PLA2G4A: variants seen among roughly 807,000 people sequenced by gnomAD.
PLA2G4A encodes cytosolic phospholipase A2.
Under a neutral mutation model 81.9 loss-of-function variants are expected in PLA2G4A, and 40 were observed. That is an observed-to-expected ratio of 0.49 (90% CI 0.38 to 0.64). The LOEUF (loss-of-function observed/expected upper bound fraction) is 0.64, where lower values mean the gene tolerates loss of function less well. Ranked by LOEUF, PLA2G4A falls within the 30% of genes least tolerant of loss-of-function variation. The pLI, the probability that PLA2G4A is intolerant of heterozygous loss-of-function variation, is 0.00. For missense variants in PLA2G4A, 715 were observed against 905.1 expected (o/e 0.79, Z 2.69); for synonymous variants, 302 against 296.9 (o/e 1.02, Z -0.18).
chr1:186,849,132 G>A (rs1571331419), intron 1 of PLA2G4A, among the ~76,000 whole-genome samples: 1 of 151,912 alleles, frequency 6.6e-6, no homozygotes, highest in African/African-American at 2.4e-5. Context: ...ATCAAAAGAG[G>A]GTGTGGCACT....
rs112502497 is a variant in PLA2G4A at position 186,967,671 on chromosome 1, A to G, written c.1764+2078A>G. Among the ~76,000 whole-genome samples the G allele has an allele frequency of 2.7e-3, 411 of 152,274 alleles. 3 individuals carry two copies. The highest frequency in any genetic ancestry group is 8.9e-3 in the African/African-American group (370 of 41,568). ...GATAAATATAAGAATAGATTGGTGC[A>G]TACTGGAGTTAATGAACAGGGTAAT... On this transcript the variant is annotated intron_variant, in intron 15 of 17. Coordinates refer to ENST00000367466, the MANE Select transcript of PLA2G4A (RefSeq NM_024420.3).
At chr1:186,965,369 A>G (rs762509373) in intron 14 of PLA2G4A, 40 bp from the exon 15 acceptor site, 4 of 1,377,264 alleles carry the variant, frequency 2.9e-6, no homozygotes, top group Middle Eastern at 1.9e-4. Context: ...CTGATGAATG[A>G]TCATTTAATT....
In PLA2G4A at chr1:186,939,996, T is replaced by G. The variant is rs1170622078; in HGVS notation, c.935T>G (p.Leu312Arg). 1 of 1,546,490 alleles carries G rather than the reference T, an allele frequency of 6.5e-7. No individual in the cohort carries two copies. Among genetic ancestry groups the G allele is most frequent in the South Asian group, 1.1e-5 (1 of 89,752 alleles). Residue 312 changes from leucine to arginine, a missense_variant, in exon 10 of 18, where the codon CTG (leucine) becomes CGG (arginine). Physicochemically the swap from Leu to Arg is moderately radical, Grantham distance 102. Coordinates refer to ENST00000367466, the MANE Select transcript of PLA2G4A (RefSeq NM_024420.3). ...TGTGGACAGAGAATGAATACTACTC[T>G]GAGCAGTTTGAAGGAAAAAGTTAAT... ...TLIHNRMNTTLSSLKEKVNTA... is the reference protein window; with the variant it reads ...TLIHNRMNTTRSSLKEKVNTA...
chr1:186,957,378 C>G (rs1479375947), intron 14 of PLA2G4A, among the ~76,000 whole-genome samples: 1 of 152,202 alleles, frequency 6.6e-6, no homozygotes, highest in Non-Finnish European at 1.5e-5. Flanking sequence ...TTAGGCTGAG[C>G]TTTCAGGAAT....
intron 8 of PLA2G4A, among the ~76,000 whole-genome samples, chr1:186,936,947 G>A (rs1365160084): frequency 1.3e-5 from 2 of 151,688 alleles, no homozygotes; most frequent in African/African-American, 4.8e-5. Context: ...AAACTTGATG[G>A]TATAATTGGG....
intron 3 of PLA2G4A, among the ~76,000 whole-genome samples, chr1:186,891,495 C>T (rs1314369599): frequency 6.6e-6 from 1 of 152,058 alleles, no homozygotes; most frequent in Non-Finnish European, 1.5e-5. Flanking sequence ...ATCCTTCTGC[C>T]CCCTCCATGG....
At chr1:186,932,675 G>C in intron 7 of PLA2G4A, 88 bp from the exon 8 acceptor site, 1 of 1,262,520 alleles carries the variant, frequency 7.9e-7, no homozygotes, top group East Asian at 2.3e-5. Context: ...ACAAAATATG[G>C]GATGTATAAC....
At chr1:186,864,632 G>A (rs533613213) in intron 2 of PLA2G4A, among the ~76,000 whole-genome samples, 8 of 144,694 alleles carry the variant, frequency 5.5e-5, no homozygotes, top group Non-Finnish European at 7.6e-5. Flanking sequence ...TCTTTTACTT[G>A]TTTTAAAAAT....
At chr1:186,977,510 T>C in intron 15 of PLA2G4A, 83 bp from the exon 16 acceptor site, 1 of 856,396 alleles carries the variant, frequency 1.2e-6, no homozygotes. Context: ...AGTAGACACC[T>C]AGTGAACACT....
At chr1:186,939,549 A>C (rs912984103) in intron 9 of PLA2G4A, among the ~76,000 whole-genome samples, 1 of 152,042 alleles carries the variant, frequency 6.6e-6, no homozygotes, top group African/African-American at 2.4e-5. Flanking sequence ...ATTCCCTCCA[A>C]GAATGGTAAC....
intron 1 of PLA2G4A, among the ~76,000 whole-genome samples, chr1:186,843,145 G>GT (rs546241831): frequency 6.6e-5 from 10 of 151,668 alleles, no homozygotes; most frequent in South Asian, 6.3e-4. Flanking sequence ...TTCCAAATCT[G>GT]TTTTTTTTAA....
chr1:186,868,729 G>T (rs1019176364), intron 2 of PLA2G4A, among the ~76,000 whole-genome samples: 4 of 152,052 alleles, frequency 2.6e-5, no homozygotes, highest in Admixed American at 2.6e-4. Flanking sequence ...TATTTAGATT[G>T]TCTATTTCTT....
At chr1:186,872,691 T>A (rs1653325596) in intron 3 of PLA2G4A, among the ~76,000 whole-genome samples, 2 of 152,076 alleles carry the variant, frequency 1.3e-5, no homozygotes, top group South Asian at 4.1e-4. Context: ...CAATGGTTAT[T>A]TATTATAATT....
intron 2 of PLA2G4A, among the ~76,000 whole-genome samples, chr1:186,870,053 GCAA>G (rs1232338225): frequency 6.6e-6 from 1 of 152,158 alleles, no homozygotes; most frequent in African/African-American, 2.4e-5. Context: ...TCAGTGAACA[GCAA>G]CAACAACAAA....
At chr1:186,963,791 TTAA>T in intron 14 of PLA2G4A, among the ~76,000 whole-genome samples, 1 of 152,352 alleles carries the variant, frequency 6.6e-6, no homozygotes, top group East Asian at 1.9e-4. Context: ...ACGTTGGATA[TTAA>T]TGTTTCTTTA....
intron 5 of PLA2G4A, among the ~76,000 whole-genome samples, chr1:186,898,731 T>C (rs1229509279): frequency 1.3e-5 from 2 of 152,188 alleles, no homozygotes; most frequent in Non-Finnish European, 2.9e-5. Flanking sequence ...ATTCTATAAC[T>C]ACCATTTTAC....
At chr1:186,833,957 T>C (rs1651687223) in intron 1 of PLA2G4A, among the ~76,000 whole-genome samples, 1 of 152,164 alleles carries the variant, frequency 6.6e-6, no homozygotes, top group Non-Finnish European at 1.5e-5. Flanking sequence ...TTCCCACTCC[T>C]TTTTTGGCAC....
chr1:186,976,320 G>A (rs1657528844), intron 15 of PLA2G4A, among the ~76,000 whole-genome samples: 1 of 152,012 alleles, frequency 6.6e-6, no homozygotes, highest in South Asian at 2.1e-4. Context: ...CCCCTTTCCA[G>A]GAATTTTCCT....
intron 5 of PLA2G4A, among the ~76,000 whole-genome samples, chr1:186,905,381 G>T (rs925268412): frequency 7.1e-6 from 1 of 140,668 alleles, no homozygotes; most frequent in Non-Finnish European, 1.5e-5. Context: ...CATTTTAAGG[G>T]CAATTTTTAT....
Sources: allele counts gnomAD v4.1 joint callset (sites outside exome capture counted in the v4.1 genomes callset), GRCh38; gene constraint gnomAD v4.1.1; transcripts MANE v1.5; gene names NCBI Gene and HGNC (gene_info 2026-07-23, HGNC 2026-07-21).